Variants in EPB41L4B observed in about 807,000 individuals in gnomAD.
The protein encoded by EPB41L4B is band 4.1-like protein 4B.
EPB41L4B carries 30 observed loss-of-function variants against 112.5 expected under a neutral mutation model. The ratio of observed to expected loss-of-function variants is 0.27; its 90% CI spans 0.20 to 0.36. EPB41L4B has a LOEUF of 0.36. Among genes scored for constraint, EPB41L4B ranks in the 10% least tolerant of loss-of-function variants. The pLI is 1.00. For missense variants in EPB41L4B, 1,024 were observed against 1,133.3 expected, an observed-to-expected ratio of 0.90 and a Z score of 1.38; for synonymous variants, 408 against 439.7, an observed-to-expected ratio of 0.93 and a Z score of 0.90.
intron 4 of EPB41L4B, 27 bp downstream of exon 4, chr9:109,267,446 G>A (rs535386877): frequency 1.6e-5 from 25 of 1,516,620 alleles, no homozygotes; most frequent in African/African-American, 2.7e-5. Flanking sequence ...CCTGCTGGGC[G>A]GGAGCTTGTT....
intron 15 of EPB41L4B, among the ~76,000 whole-genome samples, chr9:109,231,481 A>G (rs1200022105): frequency 6.6e-6 from 1 of 152,250 alleles, no homozygotes; most frequent in Non-Finnish European, 1.5e-5. Context: ...GTAATTTATC[A>G]AATATCTATT....
chr9:109,273,090 G>C (rs1835686989), intron 2 of EPB41L4B, among the ~76,000 whole-genome samples: 1 of 152,112 alleles, frequency 6.6e-6, no homozygotes, highest in South Asian at 2.1e-4. Flanking sequence ...CCAGCTACCT[G>C]CTGGTGTGAG....
At chr9:109,231,978 C>G (rs527565388) in intron 15 of EPB41L4B, among the ~76,000 whole-genome samples, 1 of 151,918 alleles carries the variant, frequency 6.6e-6, no homozygotes, top group East Asian at 1.9e-4. Context: ...TTCTAATAAG[C>G]TAGACTTTCC....
At position 109,247,700 on chromosome 9, in the gene EPB41L4B, A is replaced by C. The variant is rs1834611597; in HGVS notation, c.1344+56T>G. On this transcript the variant is annotated intron_variant, in intron 14 of 25. Transcript: ENST00000374566. Reference sequence around the variant, plus strand: ...AAACTTTACAAAAACCTTTTTTTAAATTTTATTTTTAAAATTTTCCTTCTT... The same window carrying C: ...AAACTTTACAAAAACCTTTTTTTAACTTTTATTTTTAAAATTTTCCTTCTT... The C allele has an allele frequency of 2.4e-6, 3 of 1,260,540 alleles. No homozygotes were observed. The East Asian group carries it at 8.0e-5, about 34-fold the overall frequency. The allele number at this position is 1,260,540 out of a possible 1,614,324, so 78.1% of individuals were successfully genotyped here.
At position 109,320,479 on chromosome 9, in the gene EPB41L4B, T is replaced by TGCGCTG. The variant is rs1223418494; in HGVS notation, c.-39_-34dup. Reference sequence around the variant, plus strand: ...GGGGGCGCCCCCTGCCTCCGCCCCCTGCGCTGCCGCTGCCGCTGCCGCTGC... The same window carrying TGCGCTG: ...GGGGGCGCCCCCTGCCTCCGCCCCCTGCGCTGGCGCTGCCGCTGCCGCTGCCGCTGC... On this transcript the variant is annotated 5_prime_UTR_variant, in exon 1 of 26. Transcript: ENST00000374566. 3.9e-4 allele frequency: 342 copies of TGCGCTG among 882,754 alleles called. 2 individuals carry two copies. In the Admixed American group the frequency reaches 4.3e-3, roughly 11 times the overall value. The allele number at this position is 882,754 out of a possible 1,614,324, so 54.7% of individuals were successfully genotyped here.
At chr9:109,266,522 T>C (rs970218474) in intron 4 of EPB41L4B, among the ~76,000 whole-genome samples, 1 of 152,148 alleles carries the variant, frequency 6.6e-6, no homozygotes, top group Non-Finnish European at 1.5e-5. Flanking sequence ...AAGGAGGCTC[T>C]GGGGATATCA....
intron 24 of EPB41L4B, among the ~76,000 whole-genome samples, chr9:109,181,764 A>G (rs1027824565): frequency 3.3e-5 from 5 of 152,226 alleles, no homozygotes; most frequent in African/African-American, 1.2e-4. Context: ...AAAAGAATTG[A>G]AAACAGGTGT....
chr9:109,198,925 C>CA (rs56042513), intron 20 of EPB41L4B, among the ~76,000 whole-genome samples: 8,306 of 106,678 alleles, frequency 0.078, 327 homozygotes, highest in African/African-American at 0.13. Context: ...GGCTCTGTCT[C>CA]AAAAAAAAAA....
At chr9:109,195,834 C>T (rs904681780) in intron 20 of EPB41L4B, among the ~76,000 whole-genome samples, 14 of 152,152 alleles carry the variant, frequency 9.2e-5, no homozygotes, top group African/African-American at 3.1e-4. Flanking sequence ...GAAAAAGACT[C>T]CAAATTCATC....
chr9:109,184,280 C>T (rs768798777), intron 23 of EPB41L4B, among the ~76,000 whole-genome samples: 48 of 152,176 alleles, frequency 3.2e-4, no homozygotes, highest in Non-Finnish European at 5.6e-4. Context: ...AGTGCAGTGG[C>T]GCAATCTCAG....
chr9:109,268,846 G>A (rs945527000), intron 2 of EPB41L4B, among the ~76,000 whole-genome samples: 4 of 140,668 alleles, frequency 2.8e-5, no homozygotes, highest in Admixed American at 7.9e-5. Flanking sequence ...GCAGTGAGTC[G>A]AGATCGCGCC....
chr9:109,245,532 T>C (rs748248095), intron 14 of EPB41L4B, among the ~76,000 whole-genome samples: 2 of 152,158 alleles, frequency 1.3e-5, no homozygotes, highest in Non-Finnish European at 1.5e-5. Context: ...CTTGTCATAG[T>C]AAGAGAGAAA....
chr9:109,208,117 C>T, intron 17 of EPB41L4B, 68 bp from the exon 18 acceptor site: 1 of 1,592,742 alleles, frequency 6.3e-7, no homozygotes, highest in Non-Finnish European at 8.6e-7. Flanking sequence ...TAACTTTTCC[C>T]AATAATCATA....
intron 15 of EPB41L4B, among the ~76,000 whole-genome samples, chr9:109,229,195 C>T (rs1833875931): frequency 6.6e-6 from 1 of 152,164 alleles, no homozygotes; most frequent in Non-Finnish European, 1.5e-5. Context: ...TTCCATGGAT[C>T]TTGTTACTTA....
chr9:109,182,968 TG>T (rs1420247475), intron 23 of EPB41L4B, among the ~76,000 whole-genome samples, 171 bp from the exon 24 acceptor site: 1 of 152,090 alleles, frequency 6.6e-6, no homozygotes, highest in African/African-American at 2.4e-5. Context: ...TGTGAGCTGG[TG>T]GTTGTATCTG....
At chr9:109,281,471 G>A (rs1440789595) in intron 1 of EPB41L4B, among the ~76,000 whole-genome samples, 3 of 152,162 alleles carry the variant, frequency 2.0e-5, no homozygotes, top group African/African-American at 7.2e-5. Flanking sequence ...GGGAGTCTGA[G>A]GCGGGCAGAT....
At chr9:109,208,390 T>A (rs1157496732) in intron 17 of EPB41L4B, among the ~76,000 whole-genome samples, 2 of 151,626 alleles carry the variant, frequency 1.3e-5, no homozygotes, top group African/African-American at 2.4e-5. Context: ...ATTTTCCCCA[T>A]AACTGCCATC....
At chr9:109,258,659 C>A (rs930620000) in intron 6 of EPB41L4B, among the ~76,000 whole-genome samples, 4 of 152,190 alleles carry the variant, frequency 2.6e-5, no homozygotes, top group African/African-American at 9.7e-5. Context: ...CAGAAACATC[C>A]ATTTAACAAG....
At chr9:109,230,757 T>C (rs1482308190) in intron 15 of EPB41L4B, among the ~76,000 whole-genome samples, 1 of 152,238 alleles carries the variant, frequency 6.6e-6, no homozygotes, top group Non-Finnish European at 1.5e-5. Flanking sequence ...ACATTATGAA[T>C]GTTGTATCTA....
Sources: allele counts gnomAD v4.1 joint callset (sites outside exome capture counted in the v4.1 genomes callset), GRCh38; gene constraint gnomAD v4.1.1; transcripts MANE v1.5; gene names NCBI Gene and HGNC (gene_info 2026-07-23, HGNC 2026-07-21).